The following ATP1A4 variants were observed in gnomAD, a reference collection of about 807,000 sequenced individuals.
The protein encoded by ATP1A4 is ATPase Na+/K+ transporting subunit alpha 4.
A neutral mutation model predicts 114.3 loss-of-function variants in ATP1A4; 90 were observed. The ratio of observed to expected loss-of-function variants is 0.79; its 90% CI spans 0.66 to 0.94. The LOEUF (loss-of-function observed/expected upper bound fraction) is 0.94. Among genes scored for constraint, ATP1A4 ranks in the 40% least tolerant of loss-of-function variants. The pLI is 0.00. For missense variants in ATP1A4, 1,222 were observed against 1,313.6 expected, an observed-to-expected ratio of 0.93 and a Z score of 1.08; for synonymous variants, 511 against 494.1, an observed-to-expected ratio of 1.03 and a Z score of -0.45.
chr1:160,176,749 C>A, intron 17 of ATP1A4, 147 bp downstream of exon 17: 1 of 1,100,110 alleles, frequency 9.1e-7, no homozygotes. Context: ...CCACTCATCT[C>A]TGATCTGTCC....
Position 160,153,234 on chromosome 1 carries a change from A to C in ATP1A4, c.207+10A>C. 6.2e-7 allele frequency: 1 copy of C among 1,612,790 alleles called. No homozygotes were observed. Among genetic ancestry groups the C allele is most frequent in the Non-Finnish European group, 8.5e-7 (1 of 1,179,016 alleles). Reference sequence around the variant, plus strand: ...CGTGGACCTGACAAAGGTGAGTAAGAAGCTCCCTGAGGAGGCAGAGAGTCT... The same window carrying C: ...CGTGGACCTGACAAAGGTGAGTAAGCAGCTCCCTGAGGAGGCAGAGAGTCT... On this transcript the variant is annotated intron_variant, in intron 2 of 21. Transcript: ENST00000368081.
chr1:160,169,533 G>C (rs1038706288), intron 10 of ATP1A4: 1 of 152,208 alleles, frequency 6.6e-6, no homozygotes, highest in Admixed American at 6.5e-5. Context: ...TATTTTGAAT[G>C]TAACTGAACA....
At chr1:160,168,958 C>A (rs114338560) in intron 10 of ATP1A4, among the ~76,000 whole-genome samples, 8,310 of 152,282 alleles carry the variant, frequency 0.055, 282 homozygotes, top group Non-Finnish European at 0.08. Context: ...CCATGTGATT[C>A]AAAATAAAAG....
Position 160,171,689 on chromosome 1 carries a change from T to C in ATP1A4, c.1786T>C (p.Ser596Pro). The change falls in exon 12 of 22, where the codon TCC becomes CCC. Residue 596 changes from serine to proline, a missense_variant. Ser to Pro is a moderately conservative substitution (Grantham distance 74). Coordinates refer to ENST00000368081, the MANE Select transcript of ATP1A4 (RefSeq NM_144699.4). Reference sequence around the variant, plus strand: ...CAACCTTTGTTTTGTGGGCCTCATATCCATGATTGACCCTCCCCGAGCTGC... The same window carrying C: ...CAACCTTTGTTTTGTGGGCCTCATACCCATGATTGACCCTCCCCGAGCTGC... ...MDNLCFVGLI[S>P]MIDPPRAAVP... 1 of 1,614,128 alleles carries C rather than the reference T, an allele frequency of 6.2e-7. No homozygotes were observed. The highest frequency in any genetic ancestry group is 1.1e-5 in the South Asian group (1 of 91,074).
At chr1:160,180,774 GCA>G (rs1369614124) in intron 18 of ATP1A4, among the ~76,000 whole-genome samples, 55,549 of 133,520 alleles carry the variant, frequency 0.42, 12,196 homozygotes, top group Middle Eastern at 0.55. Context: ...GAGTGCAGTG[GCA>G]TGATCTCGGC....
chr1:160,165,838 T>C (rs1405514412), intron 7 of ATP1A4, among the ~76,000 whole-genome samples: 2 of 152,158 alleles, frequency 1.3e-5, no homozygotes, highest in South Asian at 2.1e-4. Flanking sequence ...CCTGGAAAGA[T>C]TGGACTTAAA....
intron 4 of ATP1A4, among the ~76,000 whole-genome samples, chr1:160,158,379 T>A (rs971849798): frequency 5.3e-5 from 8 of 151,878 alleles, no homozygotes; most frequent in Non-Finnish European, 1.0e-4. Context: ...TGAAAGCACT[T>A]TTTTTTTAAT....
chr1:160,166,877 G>T, intron 8 of ATP1A4, 91 bp from the exon 9 acceptor site: 2 of 1,501,990 alleles, frequency 1.3e-6, no homozygotes, highest in Non-Finnish European at 9.2e-7. Flanking sequence ...TGCTGCTCCT[G>T]TGAAGTATCT....
At position 160,176,112 on chromosome 1, in the gene ATP1A4, C is replaced by T. The variant is rs1653454526; in HGVS notation, c.2332C>T (p.Leu778=). The T allele has an allele frequency of 1.2e-6, 2 of 1,614,018 alleles. No homozygotes were observed. Among genetic ancestry groups the T allele is most frequent in the Admixed American group, 1.7e-5 (1 of 59,998 alleles). ...CCCAGGCCGCCTGATCTTTGACAAC[C>T]TGAAGAAATCCATCATGTACACCCT... ...VEEGRLIFDN[L]KKSIMYTLTS... The change falls in exon 16 of 22, where the codon CTG becomes TTG. Residue 778 remains leucine, a synonymous_variant. Transcript: ENST00000368081.
At chr1:160,157,098 A>C (rs35359122) in intron 4 of ATP1A4, among the ~76,000 whole-genome samples, 61,523 of 151,816 alleles carry the variant, frequency 0.41, 13,082 homozygotes, top group South Asian at 0.48. Context: ...CAAAAAAAAG[A>C]CAGGGACGTG....
chr1:160,160,151 G>C (rs993554167), intron 6 of ATP1A4, among the ~76,000 whole-genome samples: 1 of 152,184 alleles, frequency 6.6e-6, no homozygotes, highest in Non-Finnish European at 1.5e-5. Flanking sequence ...ACTCCATGGA[G>C]CACACTTGAA....
Position 160,151,978 on chromosome 1 carries a change from T to C in ATP1A4, c.-63T>C. On this transcript the variant is annotated 5_prime_UTR_variant, in exon 1 of 22. Coordinates refer to ENST00000368081, the MANE Select transcript of ATP1A4 (RefSeq NM_144699.4). ...GCCCGCGCGCCCTCTTCCCTTCCCC[T>C]TGCCTCACTCTCTCAGCTTTCTTCC... The C allele has an allele frequency of 6.4e-7, 1 of 1,563,136 alleles. No homozygotes were observed.
intron 12 of ATP1A4, among the ~76,000 whole-genome samples, chr1:160,172,834 T>C (rs1382704268): frequency 6.6e-6 from 1 of 152,162 alleles, no homozygotes; most frequent in Non-Finnish European, 1.5e-5. Flanking sequence ...CCCTGGGCAG[T>C]GGTTTCCAGG....
rs1486621843 is a variant in ATP1A4 at position 160,177,558 on chromosome 1, T to C, written c.2630T>C (p.Val877Ala). Residue 877 changes from valine (V) to alanine (A), a missense_variant, in exon 18 of 22, where the codon GTA becomes GCA. Physicochemically the swap from Val to Ala is moderately conservative, Grantham distance 64. Transcript: ENST00000368081. ...QALAGFFTYF[V>A]ILAENGFRPV... Reference sequence around the variant, plus strand: ...CTGGCTGGATTCTTTACCTACTTTGTAATCCTGGCTGAGAATGGTTTTAGG... The same window carrying C: ...CTGGCTGGATTCTTTACCTACTTTGCAATCCTGGCTGAGAATGGTTTTAGG... 2 of 1,614,056 alleles carry C rather than the reference T, an allele frequency of 1.2e-6. No homozygotes were observed. The highest frequency in any genetic ancestry group is 1.7e-6 in the Non-Finnish European group (2 of 1,180,030).
intron 1 of ATP1A4, 104 bp downstream of exon 1, chr1:160,152,291 A>C (rs540104063): frequency 4.1e-4 from 529 of 1,302,218 alleles, no homozygotes; most frequent in Non-Finnish European, 5.1e-4. Flanking sequence ...CCAGAGCCAC[A>C]TCTCTTCTCT....
intron 17 of ATP1A4, 78 bp from the exon 18 acceptor site, chr1:160,177,441 C>A: frequency 6.5e-7 from 1 of 1,534,312 alleles, no homozygotes; most frequent in South Asian, 1.2e-5. Flanking sequence ...AGTCCCAGCC[C>A]CCAGCCCTCC....
intron 11 of ATP1A4, 68 bp downstream of exon 11, chr1:160,171,508 A>G: frequency 1.2e-6 from 2 of 1,600,202 alleles, no homozygotes; most frequent in Non-Finnish European, 1.7e-6. Context: ...GGGGTGAGAA[A>G]TCAAGGATGT....
Position 160,186,086 on chromosome 1 carries a change from C to CAAAAAAAAAAAAAAAAAAA in ATP1A4, c.2970-186_2970-168dup, listed in dbSNP as rs527303426. ...TGGGCAACAGAACAAGACTCTGTCG[C>CAAAAAAAAAAAAAAAAAAA]AAAAAAAAAAAAAAAAAAAAAAGGG... On this transcript the variant is annotated intron_variant, in intron 20 of 21. Coordinates refer to ENST00000368081, the MANE Select transcript of ATP1A4 (RefSeq NM_144699.4). Among the ~76,000 whole-genome samples, 43 of 32,788 alleles carry CAAAAAAAAAAAAAAAAAAA rather than the reference C, an allele frequency of 1.3e-3. 6 individuals are homozygous for CAAAAAAAAAAAAAAAAAAA. The highest frequency in any genetic ancestry group is 1.8e-3 in the Non-Finnish European group (36 of 19,700). 21.5% of individuals were successfully genotyped at this position (32,788 alleles called of 152,430 possible). A position where few individuals can be genotyped will look rare whatever the true frequency, so the allele number is the denominator to read the frequency against.
At chr1:160,167,916 C>T (rs2101638690) in intron 10 of ATP1A4, among the ~76,000 whole-genome samples, 1 of 152,324 alleles carries the variant, frequency 6.6e-6, no homozygotes, top group African/African-American at 2.4e-5. Context: ...TCCATTGGCG[C>T]CTGACCCTCT....
Sources: gnomAD v4.1 joint callset for allele counts (sites outside exome capture counted in the v4.1 genomes callset) on GRCh38, gnomAD v4.1.1 for gene constraint, MANE v1.5 for transcripts, NCBI Gene and HGNC (gene_info 2026-07-23, HGNC 2026-07-21) for gene names.